The following EPHB4 variants were observed in gnomAD, a reference collection of about 807,000 sequenced individuals.
EPHB4 encodes EPH receptor B4.
Under a neutral mutation model 110.6 loss-of-function variants are expected in EPHB4, and 50 were observed. The observed-to-expected ratio is 0.45, with a 90% confidence interval of 0.36 to 0.57. The LOEUF (loss-of-function observed/expected upper bound fraction) is 0.57. Among genes scored for constraint, EPHB4 ranks in the 20% least tolerant of loss-of-function variants. The pLI, the probability that EPHB4 is intolerant of heterozygous loss-of-function variation, is 0.00. For synonymous variants in EPHB4, 592 were observed against 578.4 expected (o/e 1.02, Z -0.34); for missense variants, 1,128 against 1,382.1 (o/e 0.82, Z 2.91).
Position 100,803,394 on chromosome 7 carries a change from CTG to C in EPHB4, c.*65_*66del. ...CAGCGGGGCACAGGGCTGGGGGCCT[CTG>C]TGAGTCCCCACTCTGCCCCGGAAAA... is the stretch of plus-strand genomic sequence containing the variant. On this transcript the variant is annotated 3_prime_UTR_variant, in exon 17 of 17. Coordinates refer to ENST00000358173, the MANE Select transcript of EPHB4 (RefSeq NM_004444.5). The C allele has an allele frequency of 2.1e-6, 3 of 1,440,614 alleles. No homozygotes were observed. Among genetic ancestry groups the C allele is most frequent in the Non-Finnish European group, 2.8e-6 (3 of 1,081,446 alleles). 89.2% of individuals were successfully genotyped at this position (1,440,614 alleles called of 1,614,324 possible).
intron 5 of EPHB4, 80 bp downstream of exon 5, chr7:100,820,061 G>A: frequency 1.3e-6 from 2 of 1,557,140 alleles, no homozygotes; most frequent in Non-Finnish European, 1.7e-6. Context: ...AGCCCAGGGA[G>A]GATGGGGGCC....
rs142798266 is a variant in EPHB4, at chr7:100,812,893, G to A, written c.1972C>T (p.Arg658Trp). Reference protein sequence around the residue: ...TLKGGYTERQRREFLSEASIM... With the variant: ...TLKGGYTERQWREFLSEASIM... Reference sequence around the variant, plus strand: ...GAGGCCTCGCTCAGAAACTCACGCCGCTGCCGCTCCGTGTAGCCACCCTTC... The same window carrying A: ...GAGGCCTCGCTCAGAAACTCACGCCACTGCCGCTCCGTGTAGCCACCCTTC... Residue 658 changes from arginine to tryptophan, a missense_variant, in exon 12 of 17, where the codon CGG becomes TGG. By Grantham distance (101) the Arg-to-Trp change is moderately radical (BLOSUM62 -3). This residue lies in a region of EPHB4 where 191 missense variants were observed against 313.0 expected (regional missense o/e 0.61). Transcript: ENST00000358173. 2.5e-6 allele frequency: 4 copies of A among 1,614,196 alleles called. No individual in the cohort carries two copies. Among genetic ancestry groups the A allele is most frequent in the African/African-American group, 1.3e-5 (1 of 75,050 alleles).
Position 100,822,426 on chromosome 7 carries a change from G to A in EPHB4, c.653C>T (p.Pro218Leu), listed in dbSNP as rs1163644366. 1 of 1,599,244 alleles carries A rather than the reference G, an allele frequency of 6.3e-7. No individual in the cohort carries two copies. Residue 218 changes from proline to leucine, a missense_variant, in exon 4 of 17, where the codon CCC becomes CTC. By Grantham distance (98) the Pro-to-Leu change is moderately conservative. Around this residue, in one of 3 missense-constraint regions of EPHB4, gnomAD observed 728 missense variants for 828.6 expected, o/e 0.88. Coordinates refer to ENST00000358173, the MANE Select transcript of EPHB4 (RefSeq NM_004444.5). The surrounding 1 kb of genome is among the most constrained non-coding windows in gnomAD (Gnocchi z 4.7). Reference sequence around the variant, plus strand: ...ATCCACCACGCAGCTACCGGCCACGGGCACAACCAGCTCCCGAGGCACAGT... The same window carrying A: ...ATCCACCACGCAGCTACCGGCCACGAGCACAACCAGCTCCCGAGGCACAGT... ...PETVPRELVVPVAGSCVVDAV... is the reference protein window; with the variant it reads ...PETVPRELVVLVAGSCVVDAV...
chr7:100,812,905 T>C lies in EPHB4; in HGVS notation c.1960A>G (p.Thr654Ala). Residue 654 changes from threonine to alanine, a missense_variant, in exon 12 of 17, where the codon ACG (threonine) becomes GCG (alanine). Coordinates refer to ENST00000358173, the MANE Select transcript of EPHB4 (RefSeq NM_004444.5). ...VAIKTLKGGY[T>A]ERQRREFLSE... is the part of the protein sequence containing the mutation. The stretch of plus-strand genomic sequence containing the variant: ...AGAAACTCACGCCGCTGCCGCTCCG[T>C]GTAGCCACCCTTCAGGGTCTTGATT... 1 of 1,614,210 alleles carries C rather than the reference T, an allele frequency of 6.2e-7. No individual in the cohort carries two copies. The highest frequency in any genetic ancestry group is 1.1e-5 in the South Asian group (1 of 91,082).
At chr7:100,824,299 A>C (rs1813317674) in intron 1 of EPHB4, 26 bp from the exon 2 acceptor site, 1 of 1,598,382 alleles carries the variant, frequency 6.3e-7, no homozygotes, top group African/African-American at 1.3e-5. Flanking sequence ...AGACAGAGTC[A>C]GTGCCTGGGG....
chr7:100,816,444 C>A (rs1475962312), intron 8 of EPHB4, among the ~76,000 whole-genome samples: 2 of 151,798 alleles, frequency 1.3e-5, no homozygotes, highest in African/African-American at 4.8e-5. Flanking sequence ...AGCGATTCTC[C>A]TGCCTCAGCC....
At position 100,822,531 on chromosome 7, in the gene EPHB4, G is replaced by A. The variant is rs773535818; in HGVS notation, c.548C>T (p.Ala183Val). ...GFYLAFQDQG[A>V]CMALLSLHLF... ...GTGCAGGGATAGCAGGGCCATGCAG[G>A]CACCCTGGTCCTGGAAGGCCAGGTA... Residue 183 changes from alanine to valine, a missense_variant, in exon 4 of 17, where the codon GCC becomes GTC. Physicochemically the swap from Ala to Val is moderately conservative, Grantham distance 64. Coordinates refer to ENST00000358173, the MANE Select transcript of EPHB4 (RefSeq NM_004444.5). The surrounding 1 kb of genome is among the most constrained non-coding windows in gnomAD (Gnocchi z 4.7). 1.2e-6 allele frequency: 2 copies of A among 1,613,454 alleles called. No individual in the cohort carries two copies. Among genetic ancestry groups the A allele is most frequent in the Admixed American group, 1.7e-5 (1 of 60,006 alleles).
Position 100,823,700 on chromosome 7 carries a change from C to A in EPHB4, c.355G>T (p.Asp119Tyr). The A allele has an allele frequency of 6.2e-7, 1 of 1,613,588 alleles. No individual in the cohort carries two copies. Among genetic ancestry groups the A allele is most frequent in the Non-Finnish European group, 8.5e-7 (1 of 1,179,974 alleles). Residue 119 changes from aspartate (D) to tyrosine (Y), a missense_variant, in exon 3 of 17, where the codon GAT becomes TAT. Around this residue, in one of 3 missense-constraint regions of EPHB4, gnomAD observed 728 missense variants for 828.6 expected, o/e 0.88. Coordinates refer to ENST00000358173, the MANE Select transcript of EPHB4 (RefSeq NM_004444.5). The stretch of plus-strand genomic sequence containing the variant: ...GTGAGGGCCGTGGCCGTGTCCGCAT[C>A]GCTCTCATAGTAGAAGACGGTGAAG... ...ETFTVFYYESDADTATALTPA... is the reference protein window; with the variant it reads ...ETFTVFYYESYADTATALTPA...
intron 15 of EPHB4, 49 bp from the exon 16 acceptor site, chr7:100,805,370 G>T (rs1240436186): frequency 2.7e-5 from 44 of 1,609,110 alleles, no homozygotes; most frequent in Non-Finnish European, 3.7e-5. Flanking sequence ...CCCAGGTCCG[G>T]GGGAGGAGGT....
chr7:100,812,395 G>A (rs763257309), intron 12 of EPHB4, among the ~76,000 whole-genome samples: 13 of 152,036 alleles, frequency 8.6e-5, no homozygotes, highest in Non-Finnish European at 1.6e-4. Flanking sequence ...TTTGATACCA[G>A]CCTGGCCTAC....
At chr7:100,805,369 G>A (rs371580054) in intron 15 of EPHB4, 48 bp from the exon 16 acceptor site, 50 of 1,608,558 alleles carry the variant, frequency 3.1e-5, no homozygotes, top group African/African-American at 2.1e-4. Flanking sequence ...GCCCAGGTCC[G>A]GGGGAGGAGG....
rs1252228375 is a variant in EPHB4, at chr7:100,827,522, C to CT, written c.-493dup. Reference sequence around the variant, plus strand: ...GGGCAGGGGCTGAGCTGCGCTGGAACTGGGCCGGGCGGCGCCGGGCCCGGG... The same window carrying CT: ...GGGCAGGGGCTGAGCTGCGCTGGAACTTGGGCCGGGCGGCGCCGGGCCCGGG... On this transcript the variant is annotated 5_prime_UTR_variant, in exon 1 of 17. Coordinates refer to ENST00000358173, the MANE Select transcript of EPHB4 (RefSeq NM_004444.5). 3 of 150,262 alleles carry CT rather than the reference C, an allele frequency of 2.0e-5. No homozygotes were observed. The highest frequency in any genetic ancestry group is 4.5e-5 in the Non-Finnish European group (3 of 67,354). 9.3% of individuals were successfully genotyped at this position (150,262 alleles called of 1,614,324 possible). A position where few individuals can be genotyped will look rare whatever the true frequency, so the allele number is the denominator to read the frequency against.
intron 12 of EPHB4, among the ~76,000 whole-genome samples, chr7:100,809,695 G>A (rs1039155167): frequency 1.3e-5 from 2 of 152,066 alleles, no homozygotes; most frequent in East Asian, 3.9e-4. Context: ...TGTATTTTGT[G>A]TAGAGACGGG....
chr7:100,819,721 G>C lies in EPHB4; in HGVS notation c.1133C>G (p.Thr378Ser). 6.2e-7 allele frequency: 1 copy of C among 1,612,914 alleles called. No homozygotes were observed. The highest frequency in any genetic ancestry group is 1.1e-5 in the South Asian group (1 of 91,038). ...GSCAPCGGDL[T>S]FDPGPRDLVE... ...CAGGTCCCGGGGGCCGGGGTCAAAA[G>C]TCAGGTCTCCCCCGCAGGGCGCACA... is the stretch of plus-strand genomic sequence containing the variant. Residue 378 changes from threonine (T) to serine (S), a missense_variant, in exon 6 of 17, where the codon ACT (threonine) becomes AGT (serine). Coordinates refer to ENST00000358173, the MANE Select transcript of EPHB4 (RefSeq NM_004444.5).
At chr7:100,824,526 G>A (rs1298109441) in intron 1 of EPHB4, 1 of 505,290 alleles carries the variant, frequency 2.0e-6, no homozygotes, top group East Asian at 3.3e-5. Flanking sequence ...CCTCCCTGGA[G>A]GAGGGAGGGA....
At chr7:100,809,959 C>A (rs1812893429) in intron 12 of EPHB4, among the ~76,000 whole-genome samples, 1 of 152,104 alleles carries the variant, frequency 6.6e-6, no homozygotes, top group South Asian at 2.1e-4. Context: ...ACTAAAAATA[C>A]AAAAATTAGC....
At chr7:100,820,382 G>C (rs1377590777) in intron 4 of EPHB4, 86 bp from the exon 5 acceptor site, 1 of 1,479,592 alleles carries the variant, frequency 6.8e-7, no homozygotes, top group Non-Finnish European at 9.0e-7. Context: ...TCGAATCCCA[G>C]CACTTTGGGA....
intron 12 of EPHB4, among the ~76,000 whole-genome samples, chr7:100,807,933 C>T (rs922916826): frequency 1.6e-4 from 24 of 152,214 alleles, no homozygotes; most frequent in Admixed American, 5.2e-4. Context: ...CCCAGCCTCC[C>T]GTCCACTTCC....
At chr7:100,805,829 C>T in intron 14 of EPHB4, 135 bp from the exon 15 acceptor site, 1 of 874,546 alleles carries the variant, frequency 1.1e-6, no homozygotes, top group Non-Finnish European at 1.6e-6. Flanking sequence ...TCCAGGAATC[C>T]TCCTAGCCGG....
Sources: gnomAD v4.1 joint callset for allele counts (sites outside exome capture counted in the v4.1 genomes callset) on GRCh38, gnomAD v4.1.1 for gene constraint, gnomAD v4.1.1 regional missense constraint, Gnocchi (gnomAD v3.1) non-coding constraint, MANE v1.5 for transcripts, NCBI Gene and HGNC (gene_info 2026-07-23, HGNC 2026-07-21) for gene names.